Variants in ALDOA observed in about 807,000 individuals in gnomAD.
ALDOA encodes aldolase, fructose-bisphosphate A, also known as fructose-bisphosphate aldolase A.
ALDOA carries 26 observed loss-of-function variants against 43.9 expected under a neutral mutation model. The ratio of observed to expected loss-of-function variants is 0.59; its 90% CI spans 0.43 to 0.82. ALDOA has a LOEUF of 0.82. Ranked by LOEUF, ALDOA falls within the 40% of genes least tolerant of loss-of-function variation. The pLI is 0.00. For missense variants in ALDOA, 498 were observed against 549.5 expected (o/e 0.91, Z 0.94); for synonymous variants, 258 against 222.6 (o/e 1.16, Z -1.42).
chr16:30,068,746 G>C, intron 5 of ALDOA, 46 bp downstream of exon 5: 3 of 1,614,194 alleles, frequency 1.9e-6, no homozygotes, highest in Non-Finnish European at 2.5e-6. Context: ...ACCAGAGCAG[G>C]TTTGGGTGCT....
At chr16:30,067,695 ATGGAAG>A in intron 4 of ALDOA, 34 bp downstream of exon 4, 1 of 1,612,460 alleles carries the variant, frequency 6.2e-7, no homozygotes, top group Non-Finnish European at 8.5e-7. Context: ...GAGGTTTGAG[ATGGAAG>A]TGGAGGAAGG....
In ALDOA at chr16:30,069,985, G is replaced by A; in HGVS notation, c.1117G>A (p.Glu373Lys). 1 of 1,613,922 alleles carries A rather than the reference G, an allele frequency of 6.2e-7. No homozygotes were observed. Among genetic ancestry groups the A allele is most frequent in the Non-Finnish European group, 8.5e-7 (1 of 1,180,024 alleles). ...SALKAWGGKKENLKAAQEEYV... is the reference protein window; with the variant it reads ...SALKAWGGKKKNLKAAQEEYV... ...CCTGAAGGCCTGGGGCGGGAAGAAGGAGAACCTGAAGGCTGCGCAGGAGGA... is the reference window on the plus strand; with the variant it reads ...CCTGAAGGCCTGGGGCGGGAAGAAGAAGAACCTGAAGGCTGCGCAGGAGGA... Residue 373 changes from glutamate to lysine, a missense_variant, in exon 9 of 10, where the codon GAG (glutamate) becomes AAG (lysine). Physicochemically the swap from Glu to Lys is moderately conservative, Grantham distance 56. Coordinates refer to ENST00000642816, the MANE Select transcript of ALDOA (RefSeq NM_001243177.4).
intron 4 of ALDOA, 49 bp downstream of exon 4, chr16:30,067,710 G>A (rs773475363): frequency 6.2e-7 from 1 of 1,607,098 alleles, no homozygotes; most frequent in South Asian, 1.1e-5. Flanking sequence ...AGTGGAGGAA[G>A]GAAATCCAGG....
Position 30,069,505 on chromosome 16 carries a change from G to C in ALDOA, c.793G>C (p.Ala265Pro). 1.9e-6 allele frequency: 3 copies of C among 1,614,112 alleles called. No individual in the cohort carries two copies. Among genetic ancestry groups the C allele is most frequent in the Non-Finnish European group, 2.5e-6 (3 of 1,180,028 alleles). ...RCQYVTEKVL[A>P]AVYKALSDHH... ...TGCGCCTGCTCTGCTCCAGGTGCTG[G>C]CTGCTGTCTACAAGGCTCTGAGTGA... The change falls in exon 8 of 10, where the codon GCT becomes CCT. Residue 265 changes from alanine to proline, a missense_variant. By Grantham distance (27) the Ala-to-Pro change is conservative. Transcript: ENST00000642816.
chr16:30,067,371 G>A lies in ALDOA; in HGVS notation c.274+5G>A, dbSNP rs774939475. 29 of 1,613,930 alleles carry A rather than the reference G, an allele frequency of 1.8e-5. 1 individual carries two copies. The highest frequency in any genetic ancestry group is 1.8e-5 in the Non-Finnish European group (21 of 1,180,034). On this transcript the variant is annotated splice_donor_5th_base_variant and intron_variant, in intron 3 of 9. Coordinates refer to ENST00000642816, the MANE Select transcript of ALDOA (RefSeq NM_001243177.4). ...TGGCTGCAGATGAGTCCACTGGTGC[G>A]GGCAGGAGACAGAATGGGTGGAGGG... is the stretch of plus-strand genomic sequence containing the variant.
chr16:30,067,742 G>C (rs1191332832), intron 4 of ALDOA, 81 bp downstream of exon 4: 2 of 1,541,452 alleles, frequency 1.3e-6, no homozygotes, highest in East Asian at 4.5e-5. Context: ...GGGAATGAAT[G>C]CTGGATTGGT....
Position 30,070,239 on chromosome 16 carries a change from A to G in ALDOA, c.*27A>G. 1 of 1,610,276 alleles carries G rather than the reference A, an allele frequency of 6.2e-7. No homozygotes were observed. ...CGGAGGTGTTCCCAGGCTGCCCCCA[A>G]CACTCCAGGCCCTGCCCCCTCCCAC... On this transcript the variant is annotated 3_prime_UTR_variant, in exon 10 of 10. Coordinates refer to ENST00000642816, the MANE Select transcript of ALDOA (RefSeq NM_001243177.4).
chr16:30,067,215 C>T lies in ALDOA; in HGVS notation c.142-19C>T, dbSNP rs759238234. ...AAACCCTAGCTAACTAGTCCTTCCC[C>T]TCTGTTTCCTGTATCCAGGAACTTG... is the stretch of plus-strand genomic sequence containing the variant. On this transcript the variant is annotated intron_variant, in intron 2 of 9. Coordinates refer to ENST00000642816, the MANE Select transcript of ALDOA (RefSeq NM_001243177.4). 4 of 1,612,166 alleles carry T rather than the reference C, an allele frequency of 2.5e-6. No homozygotes were observed. The highest frequency in any genetic ancestry group is 1.7e-5 in the Admixed American group (1 of 60,032).
chr16:30,070,254 C>T lies in ALDOA; in HGVS notation c.*42C>T, dbSNP rs1468456250. On this transcript the variant is annotated 3_prime_UTR_variant, in exon 10 of 10. Coordinates refer to ENST00000642816, the MANE Select transcript of ALDOA (RefSeq NM_001243177.4). Reference sequence around the variant, plus strand: ...GCTGCCCCCAACACTCCAGGCCCTGCCCCCTCCCACTCTTGAAGAGGAGGC... The same window carrying T: ...GCTGCCCCCAACACTCCAGGCCCTGTCCCCTCCCACTCTTGAAGAGGAGGC... The T allele has an allele frequency of 1.9e-6, 3 of 1,594,484 alleles. No individual in the cohort carries two copies. The highest frequency in any genetic ancestry group is 1.7e-6 in the Non-Finnish European group (2 of 1,162,636).
In ALDOA at chr16:30,069,975, C is replaced by G; in HGVS notation, c.1107C>G (p.Gly369=). ...AGGCCTCTGCCCTGAAGGCCTGGGGCGGGAAGAAGGAGAACCTGAAGGCTG... is the reference window on the plus strand; with the variant it reads ...AGGCCTCTGCCCTGAAGGCCTGGGGGGGGAAGAAGGAGAACCTGAAGGCTG... ...ALQASALKAW[G]GKKENLKAAQ... The change falls in exon 9 of 10, where the codon GGC becomes GGG. Residue 369 remains glycine (G), a synonymous_variant. Coordinates refer to ENST00000642816, the MANE Select transcript of ALDOA (RefSeq NM_001243177.4). 2 of 1,613,818 alleles carry G rather than the reference C, an allele frequency of 1.2e-6. No homozygotes were observed. The highest frequency in any genetic ancestry group is 1.7e-6 in the Non-Finnish European group (2 of 1,180,006).
intron 1 of ALDOA, among the ~76,000 whole-genome samples, chr16:30,066,479 C>T (rs1263618869): frequency 1.3e-5 from 2 of 152,256 alleles, no homozygotes; most frequent in Non-Finnish European, 2.9e-5. Context: ...CCTCCACGTT[C>T]TTGCCCCGTA....
At position 30,070,379 on chromosome 16, in the gene ALDOA, C is replaced by G. The variant is rs529854716; in HGVS notation, c.*167C>G. The G allele has an allele frequency of 1.4e-5, 9 of 656,768 alleles. No homozygotes were observed. Among genetic ancestry groups the G allele is most frequent in the Admixed American group, 9.6e-5 (4 of 41,826 alleles). The allele number at this position is 656,768 out of a possible 1,614,324, so 40.7% of individuals were successfully genotyped here. On this transcript the variant is annotated 3_prime_UTR_variant, in exon 10 of 10. Coordinates refer to ENST00000642816, the MANE Select transcript of ALDOA (RefSeq NM_001243177.4). ...TGAATGCTAAGTCCATCACCCTTTC[C>G]GGCACACTGCCAAATAAACAGCTAT...
At chr16:30,068,508 C>CG in intron 4 of ALDOA, 138 bp from the exon 5 acceptor site, 1 of 954,684 alleles carries the variant, frequency 1.0e-6, no homozygotes. Flanking sequence ...GAGGCTGAGG[C>CG]GGGAGGATCA....
rs1596815158 is a variant in ALDOA, at chr16:30,069,555, C to T, written c.843C>T (p.Thr281=). 6.2e-7 allele frequency: 1 copy of T among 1,614,134 alleles called. No individual in the cohort carries two copies. Residue 281 remains threonine (T), a synonymous_variant, in exon 8 of 10, where the codon ACC becomes ACT. Coordinates refer to ENST00000642816, the MANE Select transcript of ALDOA (RefSeq NM_001243177.4). The stretch of plus-strand genomic sequence containing the variant: ...ACCACCACATCTACCTGGAAGGCAC[C>T]TTGCTGAAGCCCAACATGGTCACCC... The part of the protein sequence containing the change: ...LSDHHIYLEG[T]LLKPNMVTPG...
At chr16:30,066,863 T>C (rs2072124856) in intron 1 of ALDOA, 22 bp from the exon 2 acceptor site, 2 of 1,545,066 alleles carry the variant, frequency 1.3e-6, no homozygotes, top group East Asian at 4.9e-5. Context: ...TCTAAAATAC[T>C]CCGGTTCGGT....
chr16:30,065,326 C>T (rs1343995206), upstream of ALDOA, among the ~76,000 whole-genome samples: 1 of 152,224 alleles, frequency 6.6e-6, no homozygotes, highest in Non-Finnish European at 1.5e-5. Flanking sequence ...TATGGTGACA[C>T]GCGCTGCAGC....
intron 1 of ALDOA, among the ~76,000 whole-genome samples, chr16:30,066,623 T>C (rs1479970547): frequency 6.6e-6 from 1 of 151,980 alleles, no homozygotes; most frequent in Non-Finnish European, 1.5e-5. Flanking sequence ...GCCCCCTCCC[T>C]TGTGGGGAAA....
At chr16:30,065,621 C>T (rs1567320826), upstream of ALDOA, 1 of 152,184 alleles carries the variant, frequency 6.6e-6, no homozygotes, top group Non-Finnish European at 1.5e-5. Context: ...CCTAGCGCGG[C>T]CTCTGGGCTG....
chr16:30,069,615 G>A lies in ALDOA; in HGVS notation c.903G>A (p.Glu301=), dbSNP rs2072245570. The A allele has an allele frequency of 3.1e-6, 5 of 1,613,970 alleles. No homozygotes were observed. The highest frequency in any genetic ancestry group is 1.6e-4 in the Middle Eastern group (1 of 6,084). Residue 301 remains glutamate, a synonymous_variant, in exon 8 of 10, where the codon GAG becomes GAA. Transcript: ENST00000642816. ...CTTGCACTCAGAAGTTTTCTCATGA[G>A]GAGATTGCCATGGCGACCGTCACAG... ...GHACTQKFSH[E]EIAMATVTAL...
Sources: allele counts gnomAD v4.1 joint callset (sites outside exome capture counted in the v4.1 genomes callset), GRCh38; gene constraint gnomAD v4.1.1; transcripts MANE v1.5; gene names NCBI Gene and HGNC (gene_info 2026-07-23, HGNC 2026-07-21).